ADAM22: variants seen among roughly 807,000 people sequenced by gnomAD.
ADAM22 encodes ADAM metallopeptidase domain 22.
Under a neutral mutation model 144.6 loss-of-function variants are expected in ADAM22, and 65 were observed. That is an observed-to-expected ratio of 0.45 (90% CI 0.37 to 0.55). The LOEUF (loss-of-function observed/expected upper bound fraction) is 0.55, where lower values mean the gene tolerates loss of function less well. Among genes scored for constraint, ADAM22 ranks in the 20% least tolerant of loss-of-function variants. ADAM22 has a pLI of 0.00. For synonymous variants in ADAM22, 391 were observed against 412.6 expected, an observed-to-expected ratio of 0.95 and a Z score of 0.63; for missense variants, 974 against 1,184.9, an observed-to-expected ratio of 0.82 and a Z score of 2.61.
intron 2 of ADAM22, chr7:87,964,607 A>G: frequency 2.4e-6 from 1 of 419,634 alleles, no homozygotes; most frequent in Non-Finnish European, 4.6e-6. Context: ...GTGTTTGAAA[A>G]ATTGTACTCA....
chr7:88,150,920 G>A, intron 18 of ADAM22, 61 bp from the exon 19 acceptor site: 4 of 1,344,342 alleles, frequency 3.0e-6, no homozygotes, highest in Non-Finnish European at 4.3e-6. Flanking sequence ...AACATTAAAG[G>A]GTTTAGCTCA....
intron 2 of ADAM22, among the ~76,000 whole-genome samples, chr7:87,936,378 C>T (rs1029550059): frequency 5.9e-5 from 9 of 152,076 alleles, no homozygotes; most frequent in Admixed American, 2.0e-4. Flanking sequence ...CATTTTGACT[C>T]GTTTCAATGG....
At chr7:88,008,711 G>C (rs540814834) in intron 3 of ADAM22, among the ~76,000 whole-genome samples, 2 of 151,892 alleles carry the variant, frequency 1.3e-5, no homozygotes, top group South Asian at 4.2e-4. Flanking sequence ...GAGAACACAT[G>C]GACACAGGAA....
chr7:87,946,170 TG>T (rs1241856039), intron 2 of ADAM22, among the ~76,000 whole-genome samples: 15 of 151,840 alleles, frequency 9.9e-5, no homozygotes, highest in Non-Finnish European at 1.5e-4. Flanking sequence ...GTTGGCTGCT[TG>T]TATGTCTGCT....
chr7:88,194,769 T>TC (rs1338885446), intron 31 of ADAM22, among the ~76,000 whole-genome samples: 1 of 152,182 alleles, frequency 6.6e-6, no homozygotes, highest in Non-Finnish European at 1.5e-5. Flanking sequence ...CAGACCATTA[T>TC]CTGAGCATCA....
rs564678088 is a variant in ADAM22, at chr7:88,021,990, C to T, written c.323+43578C>T. ...AGGGCTCAAGTGATCCTCCCATTTC[C>T]GCCTCCCGAATGTTGAGGACTACAG... On this transcript the variant is annotated intron_variant, in intron 3 of 31. Transcript: ENST00000413139. 1.1e-3 allele frequency among the ~76,000 whole-genome samples: 172 copies of T among 151,998 alleles called. 2 individuals are homozygous for T. In the Middle Eastern group the frequency reaches 0.014, roughly 12 times the overall value.
intron 3 of ADAM22, among the ~76,000 whole-genome samples, chr7:88,023,318 C>T (rs1387607301): frequency 6.6e-6 from 1 of 152,120 alleles, no homozygotes; most frequent in Non-Finnish European, 1.5e-5. Context: ...ATATGAAATA[C>T]TTTGATACAG....
intron 3 of ADAM22, among the ~76,000 whole-genome samples, chr7:88,050,237 A>AAT (rs1446345072): frequency 6.7e-6 from 1 of 150,052 alleles, no homozygotes; most frequent in Non-Finnish European, 1.5e-5. Flanking sequence ...AAAAAAAAAA[A>AAT]AAAAAAACCT....
At chr7:87,999,396 A>G (rs913754618) in intron 3 of ADAM22, among the ~76,000 whole-genome samples, 4 of 133,144 alleles carry the variant, frequency 3.0e-5, no homozygotes, top group Non-Finnish European at 6.6e-5. Context: ...CCCATTTTAC[A>G]TGTGCTGGAA....
intron 7 of ADAM22, among the ~76,000 whole-genome samples, chr7:88,122,252 T>G (rs1015430764): frequency 1.3e-5 from 2 of 152,190 alleles, no homozygotes; most frequent in Non-Finnish European, 1.5e-5. Flanking sequence ...ACAACACTAG[T>G]GCTCATGTAA....
chr7:88,066,327 A>G (rs1269279314), intron 3 of ADAM22, among the ~76,000 whole-genome samples: 1 of 152,050 alleles, frequency 6.6e-6, no homozygotes, highest in Non-Finnish European at 1.5e-5. Context: ...TCCATATATG[A>G]TTTGTAAGAG....
intron 4 of ADAM22, among the ~76,000 whole-genome samples, chr7:88,088,341 C>A (rs946976736): frequency 5.9e-5 from 9 of 152,098 alleles, no homozygotes; most frequent in Admixed American, 5.9e-4. Context: ...TCTAACTTAG[C>A]ACAATACCAT....
intron 4 of ADAM22, among the ~76,000 whole-genome samples, chr7:88,088,211 CA>C (rs1175477942): frequency 2.0e-5 from 3 of 152,084 alleles, no homozygotes; most frequent in African/African-American, 7.2e-5. Flanking sequence ...TCTGTGGAAA[CA>C]AAGTAACAAG....
chr7:88,094,001 G>T (rs1032106150), intron 4 of ADAM22, among the ~76,000 whole-genome samples: 9 of 152,140 alleles, frequency 5.9e-5, no homozygotes, highest in African/African-American at 2.2e-4. Flanking sequence ...TAGAAAAAAA[G>T]CCATAATTCT....
At chr7:88,131,610 TAA>T (rs1831797391) in intron 11 of ADAM22, 175 bp downstream of exon 11, 3 of 580,564 alleles carry the variant, frequency 5.2e-6, no homozygotes, top group Middle Eastern at 4.6e-4. Context: ...CATGAAAATG[TAA>T]AAGTTTTAAT....
intron 3 of ADAM22, among the ~76,000 whole-genome samples, chr7:88,059,583 C>A (rs973925616): frequency 2.0e-4 from 30 of 152,168 alleles, no homozygotes; most frequent in Admixed American, 8.5e-4. Context: ...CAATGAAGCA[C>A]TACTCATAAT....
intron 5 of ADAM22, among the ~76,000 whole-genome samples, chr7:88,110,716 CATTT>C (rs1825788101): frequency 7.1e-6 from 1 of 141,088 alleles, no homozygotes; most frequent in South Asian, 2.5e-4. Flanking sequence ...TTCATTCGTT[CATTT>C]GTTCGTTCGT....
At position 87,934,349 on chromosome 7, in the gene ADAM22, C is replaced by A; in HGVS notation, c.-117C>A. 2.2e-6 allele frequency: 2 copies of A among 915,906 alleles called. No homozygotes were observed. The highest frequency in any genetic ancestry group is 3.2e-6 in the Non-Finnish European group (2 of 629,078). 56.7% of individuals were successfully genotyped at this position (915,906 alleles called of 1,614,324 possible). ...GCGCCACGGCCGCCGCAGCACCGGC[C>A]GGGGCTGGGTGGAGGTGGCCGCGGG... On this transcript the variant is annotated 5_prime_UTR_variant, in exon 1 of 32. Transcript: ENST00000413139.
chr7:88,030,635 G>A (rs1800015980), intron 3 of ADAM22, among the ~76,000 whole-genome samples: 1 of 152,062 alleles, frequency 6.6e-6, no homozygotes, highest in Non-Finnish European at 1.5e-5. Flanking sequence ...GTGCTGTCTT[G>A]TGATAGAGGT....
Sources: gnomAD v4.1 joint callset for allele counts (sites outside exome capture counted in the v4.1 genomes callset) on GRCh38, gnomAD v4.1.1 for gene constraint, MANE v1.5 for transcripts, NCBI Gene and HGNC (gene_info 2026-07-23, HGNC 2026-07-21) for gene names.